Variants in HECW2 observed in about 807,000 individuals in gnomAD.
HECW2 encodes E3 ubiquitin-protein ligase HECW2.
HECW2 carries 61 observed loss-of-function variants against 175.2 expected under a neutral mutation model. That is an observed-to-expected ratio of 0.35 (90% CI 0.28 to 0.43). The LOEUF is 0.43. HECW2 is among the 20% of genes least tolerant of loss of function. The pLI, the probability that HECW2 is intolerant of heterozygous loss-of-function variation, is 1.00. For synonymous variants in HECW2, 671 were observed against 731.0 expected (o/e 0.92, Z 1.32); for missense variants, 1,524 against 2,000.5 (o/e 0.76, Z 4.54).
At chr2:196,246,753 T>C (rs1003730494) in intron 19 of HECW2, among the ~76,000 whole-genome samples, 1 of 152,110 alleles carries the variant, frequency 6.6e-6, no homozygotes, top group African/African-American at 2.4e-5. Flanking sequence ...ACTACTCCTA[T>C]ATAATTTGAG....
intron 1 of HECW2, among the ~76,000 whole-genome samples, chr2:196,562,875 C>A (rs1317646803): frequency 6.6e-6 from 1 of 152,012 alleles, no homozygotes; most frequent in African/African-American, 2.4e-5. Flanking sequence ...AAGACCCTGT[C>A]TCTACAAAAA....
At chr2:196,540,285 G>A (rs1254754730) in intron 1 of HECW2, among the ~76,000 whole-genome samples, 1 of 152,114 alleles carries the variant, frequency 6.6e-6, no homozygotes, top group East Asian at 1.9e-4. Context: ...AAAACTGAAA[G>A]AGCAAGTAGT....
intron 26 of HECW2, chr2:196,217,426 G>A (rs774103008): frequency 1.4e-5 from 3 of 208,506 alleles, no homozygotes; most frequent in Non-Finnish European, 2.9e-5. Flanking sequence ...TAACTCTTTC[G>A]GTCATTCACA....
intron 1 of HECW2, among the ~76,000 whole-genome samples, chr2:196,483,366 T>TA (rs1686906313): frequency 6.6e-6 from 1 of 152,152 alleles, no homozygotes; most frequent in African/African-American, 2.4e-5. Context: ...CTCACTGAAA[T>TA]AGAGAAGACA....
intron 2 of HECW2, among the ~76,000 whole-genome samples, chr2:196,362,712 C>G (rs1190979103): frequency 2.0e-5 from 3 of 152,202 alleles, no homozygotes; most frequent in African/African-American, 7.2e-5. Flanking sequence ...AATCATCAAT[C>G]TAGCTAATGC....
chr2:196,338,291 G>C (rs777022557), intron 3 of HECW2, among the ~76,000 whole-genome samples: 7 of 152,126 alleles, frequency 4.6e-5, no homozygotes, highest in Non-Finnish European at 7.4e-5. Flanking sequence ...ATACATTTCT[G>C]GGTTTGTATA....
chr2:196,540,693 C>T (rs1689179984), intron 1 of HECW2, among the ~76,000 whole-genome samples: 1 of 152,140 alleles, frequency 6.6e-6, no homozygotes. Flanking sequence ...AATCCTCCTA[C>T]TTCAAAGCTC....
At chr2:196,374,808 G>A (rs1049427535) in intron 2 of HECW2, among the ~76,000 whole-genome samples, 1 of 151,418 alleles carries the variant, frequency 6.6e-6, no homozygotes, top group East Asian at 1.9e-4. Context: ...AAGCATAGAC[G>A]TGGGATACAT....
chr2:196,304,082 T>C (rs1691170563), intron 13 of HECW2, among the ~76,000 whole-genome samples: 2 of 152,286 alleles, frequency 1.3e-5, no homozygotes, highest in South Asian at 4.1e-4. Context: ...ATTACTCCCA[T>C]ATAGAAAACC....
intron 1 of HECW2, among the ~76,000 whole-genome samples, chr2:196,445,567 G>C (rs1191283574): frequency 6.6e-6 from 1 of 152,132 alleles, no homozygotes; most frequent in Non-Finnish European, 1.5e-5. Context: ...ATAAAATAAG[G>C]CTCTTGCTAC....
At chr2:196,259,121 G>A (rs1432885133) in intron 17 of HECW2, among the ~76,000 whole-genome samples, 1 of 152,126 alleles carries the variant, frequency 6.6e-6, no homozygotes, top group Non-Finnish European at 1.5e-5. Flanking sequence ...TTATAGGCAT[G>A]TGTCACCACG....
chr2:196,478,806 A>C (rs1686747609), intron 1 of HECW2, among the ~76,000 whole-genome samples: 1 of 152,082 alleles, frequency 6.6e-6, no homozygotes, highest in Non-Finnish European at 1.5e-5. Context: ...ACTCACCCAC[A>C]GCACCAGTTA....
chr2:196,313,583 T>C (rs1691579823), intron 10 of HECW2, among the ~76,000 whole-genome samples: 1 of 152,186 alleles, frequency 6.6e-6, no homozygotes, highest in Non-Finnish European at 1.5e-5. Flanking sequence ...GAGAACCAAT[T>C]GGTAGATCAC....
intron 2 of HECW2, among the ~76,000 whole-genome samples, chr2:196,382,830 C>A (rs1694245792): frequency 6.6e-6 from 1 of 152,128 alleles, no homozygotes; most frequent in Non-Finnish European, 1.5e-5. Flanking sequence ...ATGTAACCAG[C>A]CTCAATACTA....
chr2:196,556,229 C>T (rs1052280517), intron 1 of HECW2, among the ~76,000 whole-genome samples: 1 of 152,108 alleles, frequency 6.6e-6, no homozygotes, highest in African/African-American at 2.4e-5. Flanking sequence ...TATATGTATG[C>T]ATTATGAAAT....
rs573529134 is a variant in HECW2 at position 196,243,089 on chromosome 2, C to T, written c.3530-885G>A. Among the ~76,000 whole-genome samples the T allele has an allele frequency of 2.0e-5, 3 of 152,062 alleles. No homozygotes were observed. The South Asian group carries it at 6.2e-4, about 32-fold the overall frequency. On this transcript the variant is annotated intron_variant, in intron 19 of 28. Transcript: ENST00000644978. ...TGCAGGGTAAAATCTTAATATAACA[C>T]ATAATTGCAAAAGGCACCTGTCTCA... is the stretch of plus-strand genomic sequence containing the variant.
intron 10 of HECW2, chr2:196,316,192 G>A (rs1372215769): frequency 6.6e-6 from 1 of 152,012 alleles, no homozygotes; most frequent in Non-Finnish European, 1.5e-5. Context: ...TATGAGTCAC[G>A]GCCCTTAGTT....
chr2:196,252,883 T>C (rs1479460461), intron 19 of HECW2, among the ~76,000 whole-genome samples: 2 of 152,218 alleles, frequency 1.3e-5, no homozygotes, highest in Non-Finnish European at 2.9e-5. Flanking sequence ...GAAAGAATAA[T>C]TGTTCCCACA....
At chr2:196,256,137 T>C (rs1195856848) in intron 18 of HECW2, among the ~76,000 whole-genome samples, 1 of 152,172 alleles carries the variant, frequency 6.6e-6, no homozygotes, top group Non-Finnish European at 1.5e-5. Flanking sequence ...AATCACTAAT[T>C]ATATTACTTA....
Sources: allele counts gnomAD v4.1 joint callset (sites outside exome capture counted in the v4.1 genomes callset), GRCh38; gene constraint gnomAD v4.1.1; transcripts MANE v1.5; gene names NCBI Gene and HGNC (gene_info 2026-07-23, HGNC 2026-07-21).